The following GAS2 variants were observed in gnomAD, a reference collection of about 807,000 sequenced individuals.
GAS2 encodes growth arrest specific 2.
In GAS2, 20 loss-of-function variants were observed where a neutral mutation model predicts 37.5. The ratio of observed to expected loss-of-function variants is 0.53; its 90% CI spans 0.37 to 0.77. The LOEUF is 0.77. GAS2 is among the 30% of genes least tolerant of loss of function. GAS2 has a pLI of 0.00. For synonymous variants in GAS2, 144 were observed against 132.2 expected, an observed-to-expected ratio of 1.09 and a Z score of -0.61; for missense variants, 336 against 373.4, an observed-to-expected ratio of 0.90 and a Z score of 0.82.
chr11:22,802,343 G>A (rs921532053), intron 7 of GAS2, among the ~76,000 whole-genome samples: 1 of 151,730 alleles, frequency 6.6e-6, no homozygotes. Context: ...AGCATTAGGA[G>A]ATATACCTAA....
chr11:22,722,459 TC>T (rs1223598678), intron 3 of GAS2, among the ~76,000 whole-genome samples: 1 of 151,952 alleles, frequency 6.6e-6, no homozygotes, highest in Non-Finnish European at 1.5e-5. Context: ...AAATATTGAA[TC>T]CTACACTATG....
At chr11:22,657,636 A>G (rs1440763937) in intron 1 of GAS2, among the ~76,000 whole-genome samples, 1 of 152,160 alleles carries the variant, frequency 6.6e-6, no homozygotes, top group African/African-American at 2.4e-5. Flanking sequence ...AGAGAAAGTA[A>G]TAGGGAAGAA....
chr11:22,685,011 T>C (rs1849870483), intron 2 of GAS2, among the ~76,000 whole-genome samples: 2 of 152,128 alleles, frequency 1.3e-5, no homozygotes, highest in African/African-American at 4.8e-5. Context: ...AGAAAATTGA[T>C]CTGGCTGGGT....
In GAS2 at chr11:22,709,973, A is replaced by G. The variant is rs978938746; in HGVS notation, c.268-16319A>G. On this transcript the variant is annotated intron_variant, in intron 3 of 7. Coordinates refer to ENST00000454584, the MANE Select transcript of GAS2 (RefSeq NM_001143830.3). ...TGGGAATTGAACAATGAGAACACATAGACACAGGAAGGGGAACATCGCACT... is the reference window on the plus strand; with the variant it reads ...TGGGAATTGAACAATGAGAACACATGGACACAGGAAGGGGAACATCGCACT... Among the ~76,000 whole-genome samples, 5 of 141,136 alleles carry G rather than the reference A, an allele frequency of 3.5e-5. No individual in the cohort carries two copies. The East Asian group carries it at 9.1e-4, about 26-fold the overall frequency. 92.6% of individuals were successfully genotyped at this position (141,136 alleles called of 152,430 possible).
intron 7 of GAS2, among the ~76,000 whole-genome samples, chr11:22,770,928 G>A (rs1028068844): frequency 6.6e-6 from 1 of 152,110 alleles, no homozygotes; most frequent in Non-Finnish European, 1.5e-5. Context: ...TGTTTCAGTA[G>A]GGTCTTCATG....
intron 3 of GAS2, among the ~76,000 whole-genome samples, chr11:22,695,268 C>G (rs992699567): frequency 5.3e-5 from 8 of 151,758 alleles, no homozygotes; most frequent in African/African-American, 1.9e-4. Context: ...TGCAGTTAGC[C>G]AAGATCACGC....
chr11:22,663,272 GA>G (rs1848935523), upstream of GAS2, among the ~76,000 whole-genome samples: 1 of 152,008 alleles, frequency 6.6e-6, no homozygotes, highest in South Asian at 2.1e-4. Context: ...TTTGAATGGG[GA>G]CATAGAGCCA....
At chr11:22,800,455 G>A (rs891441113) in intron 7 of GAS2, among the ~76,000 whole-genome samples, 9 of 152,096 alleles carry the variant, frequency 5.9e-5, no homozygotes, top group Non-Finnish European at 1.2e-4. Context: ...TTAAGAAGGC[G>A]GTAGCATGTT....
chr11:22,764,807 CCA>C (rs1854602166), intron 7 of GAS2, among the ~76,000 whole-genome samples: 1 of 152,130 alleles, frequency 6.6e-6, no homozygotes, highest in Non-Finnish European at 1.5e-5. Flanking sequence ...TAAAAACTTA[CCA>C]CTATTGGCCA....
chr11:22,734,128 G>A (rs1852624430), intron 4 of GAS2, among the ~76,000 whole-genome samples: 1 of 151,668 alleles, frequency 6.6e-6, no homozygotes. Context: ...TATACATTCA[G>A]TTATTTTATC....
intron 7 of GAS2, among the ~76,000 whole-genome samples, chr11:22,775,048 C>T (rs1197656935): frequency 3.9e-5 from 6 of 152,014 alleles, no homozygotes; most frequent in East Asian, 1.9e-4. Flanking sequence ...GAGTGGGCAA[C>T]GAGAGGCTGG....
At chr11:22,633,650 G>A (rs1858777072) in intron 1 of GAS2, among the ~76,000 whole-genome samples, 1 of 152,038 alleles carries the variant, frequency 6.6e-6, no homozygotes, top group South Asian at 2.1e-4. Flanking sequence ...CTTGACAGAG[G>A]CAGCTGGAGA....
upstream of GAS2, among the ~76,000 whole-genome samples, chr11:22,666,296 G>A (rs1328113274): frequency 1.3e-5 from 2 of 152,230 alleles, no homozygotes; most frequent in African/African-American, 4.8e-5. Context: ...TGTTCAATTT[G>A]GAATGAAGAG....
intron 1 of GAS2, among the ~76,000 whole-genome samples, chr11:22,654,329 T>C (rs955085960): frequency 2.0e-5 from 3 of 152,036 alleles, no homozygotes; most frequent in African/African-American, 7.2e-5. Context: ...TTGAAATTAT[T>C]TAAATAATTT....
chr11:22,682,893 A>AAAAAAAAAAAAAAG (rs1849761541), intron 2 of GAS2, among the ~76,000 whole-genome samples: 1 of 62,742 alleles, frequency 1.6e-5, no homozygotes, highest in Non-Finnish European at 3.1e-5. Context: ...AAAAGGAAAA[A>AAAAAAAAAAAAAAG]AAAAAAAAAA....
chr11:22,636,672 A>G (rs1259017033), intron 1 of GAS2, among the ~76,000 whole-genome samples: 1 of 152,074 alleles, frequency 6.6e-6, no homozygotes, highest in Non-Finnish European at 1.5e-5. Context: ...AATTAGGCCT[A>G]GAGGATCTAG....
intron 3 of GAS2, among the ~76,000 whole-genome samples, chr11:22,697,015 G>T (rs1405644454): frequency 6.6e-6 from 1 of 151,366 alleles, no homozygotes; most frequent in Non-Finnish European, 1.5e-5. Flanking sequence ...TGAAGTCCTT[G>T]CCCATGCCTA....
intron 3 of GAS2, among the ~76,000 whole-genome samples, chr11:22,710,482 GAT>G (rs1851348285): frequency 8.6e-6 from 1 of 116,632 alleles, no homozygotes; most frequent in African/African-American, 2.8e-5. Flanking sequence ...TATGTGTGTA[GAT>G]ATATGTGTGT....
At chr11:22,768,579 C>T (rs1854816318) in intron 7 of GAS2, among the ~76,000 whole-genome samples, 1 of 152,170 alleles carries the variant, frequency 6.6e-6, no homozygotes, top group African/African-American at 2.4e-5. Context: ...TATGGGACCA[C>T]AAACTCCGTG....
Sources: gnomAD v4.1 joint callset for allele counts (sites outside exome capture counted in the v4.1 genomes callset) on GRCh38, gnomAD v4.1.1 for gene constraint, MANE v1.5 for transcripts, NCBI Gene and HGNC (gene_info 2026-07-23, HGNC 2026-07-21) for gene names.